TIAM1: variants seen among roughly 807,000 people sequenced by gnomAD.
TIAM1 encodes TIAM Rac1 associated GEF 1.
In TIAM1, 65 loss-of-function variants were observed where a neutral mutation model predicts 163.5. The ratio of observed to expected loss-of-function variants is 0.40; its 90% CI spans 0.33 to 0.49. The LOEUF is 0.49. Among genes scored for constraint, TIAM1 ranks in the 20% least tolerant of loss-of-function variants. TIAM1 has a pLI of 0.77. For synonymous variants in TIAM1, 833 were observed against 810.1 expected (o/e 1.03, Z -0.48); for missense variants, 1,789 against 2,044.7 (o/e 0.87, Z 2.41).
rs1486502323 is a variant in TIAM1, at chr21:31,118,472, C to A, written c.*1896G>T. ...GCATTTACAACGTTCCATTCATAGA[C>A]CTAAAAACATAAAAATAGACCTTCT... On this transcript the variant is annotated 3_prime_UTR_variant, in exon 28 of 28. Coordinates refer to ENST00000541036, the MANE Select transcript of TIAM1 (RefSeq NM_001353694.2). The A allele has an allele frequency of 9.4e-6, 4 of 427,718 alleles. No individual in the cohort carries two copies. Among genetic ancestry groups the A allele is most frequent in the South Asian group, 7.1e-5 (4 of 56,186 alleles). The allele number at this position is 427,718 out of a possible 1,614,324, so 26.5% of individuals were successfully genotyped here.
At chr21:31,505,413 A>G (rs1807440451) in intron 1 of TIAM1, among the ~76,000 whole-genome samples, 3 of 152,242 alleles carry the variant, frequency 2.0e-5, no homozygotes, top group Non-Finnish European at 2.9e-5. Flanking sequence ...TGGATAAACA[A>G]AGAGCAAAGA....
chr21:31,284,596 G>A (rs983492462), intron 2 of TIAM1, among the ~76,000 whole-genome samples: 14 of 152,090 alleles, frequency 9.2e-5, no homozygotes, highest in South Asian at 2.1e-4. Context: ...TTGGCTCACC[G>A]CAACCTCCAC....
intron 10 of TIAM1, 94 bp from the exon 11 acceptor site, chr21:31,210,309 A>C: frequency 7.3e-7 from 1 of 1,370,264 alleles, no homozygotes; most frequent in Non-Finnish European, 1.0e-6. Context: ...GATTCCCATG[A>C]AAACAGCCCA....
chr21:31,191,098 C>T (rs1476369471), intron 13 of TIAM1, among the ~76,000 whole-genome samples: 1 of 152,178 alleles, frequency 6.6e-6, no homozygotes, highest in Non-Finnish European at 1.5e-5. Context: ...AATGCCAAAA[C>T]CAACCCGAGC....
At chr21:31,370,590 T>A (rs2076580629) in intron 2 of TIAM1, among the ~76,000 whole-genome samples, 1 of 152,106 alleles carries the variant, frequency 6.6e-6, no homozygotes, top group Non-Finnish European at 1.5e-5. Flanking sequence ...CTGTGGGGGT[T>A]TATATACTAT....
At position 31,543,291 on chromosome 21, in the gene TIAM1, C is replaced by G. The variant is rs1317234167; in HGVS notation, c.-422+15636G>C. On this transcript the variant is annotated intron_variant, in intron 1 of 28. Transcript: ENST00000286827. ...CACTTTGGGCTTCTCGTCCCACAGC[C>G]GCCACCATTCCAAGCTCGCGCTCTT... Among the ~76,000 whole-genome samples, 4 of 152,198 alleles carry G rather than the reference C, an allele frequency of 2.6e-5. No homozygotes were observed. The East Asian group carries it at 7.7e-4, about 29-fold the overall frequency.
intron 2 of TIAM1, among the ~76,000 whole-genome samples, chr21:31,367,494 A>C (rs984860857): frequency 5.9e-5 from 9 of 152,216 alleles, no homozygotes; most frequent in African/African-American, 1.9e-4. Context: ...TTTGTGAAGA[A>C]GTCTCCATAG....
chr21:31,299,776 T>C (rs1263547548), intron 2 of TIAM1, among the ~76,000 whole-genome samples: 1 of 152,124 alleles, frequency 6.6e-6, no homozygotes, highest in African/African-American at 2.4e-5. Flanking sequence ...TGGAAAGTCA[T>C]TTCACATCAC....
Position 31,226,774 on chromosome 21 carries a change from G to A in TIAM1, c.1585-824C>T, listed in dbSNP as rs574287852. ...GATACTCTCTTAAGCCCAGAGAGGT[G>A]AAACAAATGCTCAGAAGTTAGCCCA... On this transcript the variant is annotated intron_variant, in intron 6 of 27. Transcript: ENST00000541036. Among the ~76,000 whole-genome samples the A allele has an allele frequency of 2.0e-5, 3 of 152,240 alleles. No homozygotes were observed. The East Asian group carries it at 5.8e-4, about 29-fold the overall frequency.
intron 16 of TIAM1, among the ~76,000 whole-genome samples, chr21:31,158,107 T>C (rs896699255): frequency 2.6e-5 from 4 of 152,322 alleles, no homozygotes; most frequent in South Asian, 4.1e-4. Context: ...TTACCACGCC[T>C]GAGGTTTGGC....
intron 2 of TIAM1, among the ~76,000 whole-genome samples, chr21:31,324,336 G>A (rs912046622): frequency 6.6e-6 from 1 of 152,046 alleles, no homozygotes; most frequent in Non-Finnish European, 1.5e-5. Context: ...CTGGGCGACG[G>A]AGAGAAACTC....
intron 2 of TIAM1, among the ~76,000 whole-genome samples, chr21:31,424,272 G>A (rs945046145): frequency 2.0e-5 from 3 of 152,158 alleles, no homozygotes; most frequent in African/African-American, 7.2e-5. Context: ...AATAAAAACT[G>A]AGACTCAGAA....
intron 4 of TIAM1, among the ~76,000 whole-genome samples, chr21:31,261,142 C>T (rs2072444464): frequency 6.6e-6 from 1 of 151,930 alleles, no homozygotes; most frequent in African/African-American, 2.4e-5. Flanking sequence ...CGACTACTTG[C>T]TTATCAAAGA....
chr21:31,504,255 C>T (rs1488842654), intron 1 of TIAM1, among the ~76,000 whole-genome samples: 1 of 152,180 alleles, frequency 6.6e-6, no homozygotes, highest in African/African-American at 2.4e-5. Context: ...GTTGCCTTTG[C>T]AGGTAAAAGG....
chr21:31,380,901 C>A (rs1026937021), intron 2 of TIAM1, among the ~76,000 whole-genome samples: 2 of 152,214 alleles, frequency 1.3e-5, no homozygotes, highest in African/African-American at 4.8e-5. Flanking sequence ...CCCCTTCACT[C>A]ACATGTTGAA....
intron 2 of TIAM1, among the ~76,000 whole-genome samples, chr21:31,425,556 C>G (rs1301192526): frequency 6.6e-6 from 1 of 151,048 alleles, no homozygotes; most frequent in Non-Finnish European, 1.5e-5. Flanking sequence ...TTCTAACAAA[C>G]TCCTACATGA....
In TIAM1 at chr21:31,124,601, G is replaced by A. The variant is rs1348499058; in HGVS notation, c.4227C>T (p.Pro1409=). 6.8e-6 allele frequency: 11 copies of A among 1,613,860 alleles called. No individual in the cohort carries two copies. Among genetic ancestry groups the A allele is most frequent in the East Asian group, 4.5e-5 (2 of 44,890 alleles). ...CAAAAGGGACATATTGCTGGGATGAGGGAAGGCTCTCGGTTTTGAGGAGCT... is the reference window on the plus strand; with the variant it reads ...CAAAAGGGACATATTGCTGGGATGAAGGAAGGCTCTCGGTTTTGAGGAGCT... ...RRQLLKTESL[P]SSQQYVPFGG... is the part of the protein sequence containing the mutation. The change falls in exon 27 of 28, where the codon CCC becomes CCT. Residue 1409 remains proline, a synonymous_variant. Transcript: ENST00000541036.
intron 2 of TIAM1, among the ~76,000 whole-genome samples, chr21:31,434,365 T>C (rs957485819): frequency 1.3e-5 from 2 of 152,170 alleles, no homozygotes; most frequent in African/African-American, 4.8e-5. Context: ...TCCCGGCTGC[T>C]AGGCCTTAGC....
chr21:31,496,665 T>C (rs2046663788), intron 1 of TIAM1, among the ~76,000 whole-genome samples: 1 of 152,104 alleles, frequency 6.6e-6, no homozygotes, highest in Non-Finnish European at 1.5e-5. Context: ...ATTTATAGTC[T>C]ATTTTAGTGT....
Sources: gnomAD v4.1 joint callset for allele counts (sites outside exome capture counted in the v4.1 genomes callset) on GRCh38, gnomAD v4.1.1 for gene constraint, MANE v1.5 for transcripts, NCBI Gene and HGNC (gene_info 2026-07-23, HGNC 2026-07-21) for gene names.